GFRAL: variants seen among roughly 807,000 people sequenced by gnomAD.
GFRAL encodes GDNF family receptor alpha-like.
GFRAL carries 36 observed loss-of-function variants against 45.4 expected under a neutral mutation model. That is an observed-to-expected ratio of 0.79 (90% CI 0.61 to 1.05). The LOEUF (loss-of-function observed/expected upper bound fraction) is 1.05, where lower values mean the gene tolerates loss of function less well. GFRAL is among the 50% of genes least tolerant of loss of function. GFRAL has a pLI of 0.00. For synonymous variants in GFRAL, 166 were observed against 154.1 expected (o/e 1.08, Z -0.57); for missense variants, 507 against 467.5 (o/e 1.08, Z -0.78).
chr6:55,382,692 G>A (rs1768626827), intron 6 of GFRAL, among the ~76,000 whole-genome samples: 2 of 151,904 alleles, frequency 1.3e-5, no homozygotes, highest in African/African-American at 2.4e-5. Flanking sequence ...CAGCCATAGA[G>A]AGGCAACATA....
At chr6:55,360,621 C>T (rs986723920) in intron 6 of GFRAL, among the ~76,000 whole-genome samples, 4 of 151,906 alleles carry the variant, frequency 2.6e-5, no homozygotes, top group African/African-American at 7.2e-5. Context: ...ATTAACACTA[C>T]AGATATATTT....
chr6:55,388,919 C>T (rs925197659), intron 6 of GFRAL, among the ~76,000 whole-genome samples: 21 of 152,122 alleles, frequency 1.4e-4, no homozygotes, highest in Non-Finnish European at 2.4e-4. Context: ...CTGTTCTTCC[C>T]CCAGCTCCCC....
intron 6 of GFRAL, among the ~76,000 whole-genome samples, chr6:55,375,112 T>G (rs530155110): frequency 1.3e-5 from 2 of 152,292 alleles, no homozygotes; most frequent in South Asian, 4.1e-4. Context: ...TTCGCTCTTT[T>G]TTTGCTCCAT....
chr6:55,344,541 C>G lies in GFRAL; in HGVS notation c.317-5551C>G, dbSNP rs193092270. Among the ~76,000 whole-genome samples the G allele has an allele frequency of 1.4e-4, 21 of 152,276 alleles. No homozygotes were observed. In the East Asian group the frequency reaches 4.1e-3, roughly 29 times the overall value. ...AATTAGGTATTGATGGGATGTATCT[C>G]AAAATAATAAGAGCTATTTATGACA... is the stretch of plus-strand genomic sequence containing the variant. On this transcript the variant is annotated intron_variant, in intron 3 of 8. Coordinates refer to ENST00000340465, the MANE Select transcript of GFRAL (RefSeq NM_207410.2).
chr6:55,343,308 A>G (rs1767995336), intron 3 of GFRAL, among the ~76,000 whole-genome samples: 1 of 152,204 alleles, frequency 6.6e-6, no homozygotes, highest in East Asian at 1.9e-4. Flanking sequence ...GTAAAAGAAC[A>G]CAAATTATAA....
intron 6 of GFRAL, among the ~76,000 whole-genome samples, chr6:55,391,139 A>C (rs1768748676): frequency 6.8e-6 from 1 of 147,626 alleles, no homozygotes; most frequent in Non-Finnish European, 1.5e-5. Context: ...GTTTTTTCTA[A>C]TTCTACAGCC....
chr6:55,370,009 A>T (rs1006957471), intron 6 of GFRAL, among the ~76,000 whole-genome samples: 4 of 152,146 alleles, frequency 2.6e-5, no homozygotes, highest in African/African-American at 9.7e-5. Flanking sequence ...GGACCCTACT[A>T]TGTGTTATCT....
intron 4 of GFRAL, 114 bp downstream of exon 4, chr6:55,350,259 A>G: frequency 1.5e-6 from 1 of 652,748 alleles, no homozygotes; most frequent in Non-Finnish European, 2.7e-6. Context: ...GTGGTTTAAC[A>G]GTTCTAATAT....
At chr6:55,366,170 A>G (rs992404149) in intron 6 of GFRAL, among the ~76,000 whole-genome samples, 2 of 151,672 alleles carry the variant, frequency 1.3e-5, no homozygotes, top group African/African-American at 2.4e-5. Flanking sequence ...TAGTCTTGGG[A>G]GAGTGTATGT....
intron 6 of GFRAL, among the ~76,000 whole-genome samples, chr6:55,365,080 G>A (rs1225448317): frequency 9.2e-5 from 14 of 151,500 alleles, no homozygotes; most frequent in Non-Finnish European, 1.8e-4. Context: ...AGCATGGAAT[G>A]TTCTTCCATT....
Position 55,359,195 on chromosome 6 carries a change from A to G in GFRAL, c.952+57A>G, listed in dbSNP as rs568497303. On this transcript the variant is annotated intron_variant, in intron 6 of 8. Transcript: ENST00000340465. ...CTATCTATCTATCTATCATCTATCT[A>G]TCTATCTATTTTGTTTTTGCCTATA... The G allele has an allele frequency of 1.9e-5, 28 of 1,454,696 alleles. No homozygotes were observed. In the South Asian group the frequency reaches 3.3e-4, roughly 17 times the overall value. The allele number at this position is 1,454,696 out of a possible 1,614,324, so 90.1% of individuals were successfully genotyped here. A position where few individuals can be genotyped will look rare whatever the true frequency, so the allele number is the denominator to read the frequency against.
chr6:55,391,845 C>G (rs1332402813), intron 6 of GFRAL, among the ~76,000 whole-genome samples: 1 of 152,188 alleles, frequency 6.6e-6, no homozygotes, highest in East Asian at 1.9e-4. Context: ...GATGTTAACA[C>G]TTGTGCTTCT....
At position 55,374,881 on chromosome 6, in the gene GFRAL, TC is replaced by T. The variant is rs148570723; in HGVS notation, c.952+15745del. Among the ~76,000 whole-genome samples, 1,143 of 152,280 alleles carry T rather than the reference TC, an allele frequency of 7.5e-3. 7 individuals are homozygous for T. Among genetic ancestry groups the T allele is most frequent in the Non-Finnish European group, 0.011 (722 of 68,030 alleles). The stretch of plus-strand genomic sequence containing the variant: ...CAGGCATCATTTATTAAATAGGGAT[TC>T]CTTTCCCCACTGCTTGTTTTTGCTA... On this transcript the variant is annotated intron_variant, in intron 6 of 8. Transcript: ENST00000340465.
At chr6:55,345,453 C>G (rs1188915093) in intron 3 of GFRAL, among the ~76,000 whole-genome samples, 1 of 152,186 alleles carries the variant, frequency 6.6e-6, no homozygotes, top group Non-Finnish European at 1.5e-5. Flanking sequence ...AAAGGATTCC[C>G]TGTTGAATAA....
At chr6:55,347,130 C>G (rs1378469947) in intron 3 of GFRAL, among the ~76,000 whole-genome samples, 1 of 152,020 alleles carries the variant, frequency 6.6e-6, no homozygotes. Flanking sequence ...GTTCCTTTAT[C>G]TGAATGGGTG....
intron 6 of GFRAL, among the ~76,000 whole-genome samples, chr6:55,373,793 T>G (rs1010990715): frequency 6.6e-6 from 1 of 152,092 alleles, no homozygotes; most frequent in Non-Finnish European, 1.5e-5. Context: ...ATATACGGTT[T>G]GTTACATAGG....
intron 3 of GFRAL, 46 bp downstream of exon 3, chr6:55,333,990 C>T (rs1298169265): frequency 1.7e-6 from 2 of 1,169,834 alleles, no homozygotes; most frequent in African/African-American, 1.6e-5. Context: ...AAAAAGAAAG[C>T]AACAATTTCA....
intron 6 of GFRAL, among the ~76,000 whole-genome samples, chr6:55,390,598 T>C (rs1359421496): frequency 1.3e-5 from 2 of 152,102 alleles, no homozygotes; most frequent in African/African-American, 4.8e-5. Context: ...CCATAGAAAG[T>C]AGTGCTCTAG....
rs917027721 is a variant in GFRAL, at chr6:55,372,762, A to G, written c.952+13624A>G. Among the ~76,000 whole-genome samples the G allele has an allele frequency of 2.0e-5, 3 of 152,162 alleles. No individual in the cohort carries two copies. In the East Asian group the frequency reaches 5.8e-4, roughly 29 times the overall value. ...TATAGTCTAGCTTTGTGCCAGGAGG[A>G]AAGGCAATTGTAATTGTTAATCAAC... On this transcript the variant is annotated intron_variant, in intron 6 of 8. Transcript: ENST00000340465.
Sources: allele counts gnomAD v4.1 joint callset (sites outside exome capture counted in the v4.1 genomes callset), GRCh38; gene constraint gnomAD v4.1.1; transcripts MANE v1.5; gene names NCBI Gene and HGNC (gene_info 2026-07-23, HGNC 2026-07-21).